RARS1: variants seen among roughly 807,000 people sequenced by gnomAD.
RARS1 encodes arginine--tRNA ligase, cytoplasmic.
Under a neutral mutation model 78.7 loss-of-function variants are expected in RARS1, and 75 were observed. That is an observed-to-expected ratio of 0.95 (90% CI 0.79 to 1.15). RARS1 has a LOEUF of 1.15. Among genes scored for constraint, RARS1 ranks in the 50% most tolerant of loss-of-function variants. RARS1 has a pLI of 0.00. For missense variants in RARS1, 787 were observed against 787.5 expected (o/e 1.00, Z 0.01); for synonymous variants, 273 against 268.2 (o/e 1.02, Z -0.18).
In RARS1 at chr5:168,495,068, T is replaced by C. The variant is rs77178198; in HGVS notation, c.580-247T>C. On this transcript the variant is annotated intron_variant, in intron 5 of 14. Coordinates refer to ENST00000231572, the MANE Select transcript of RARS1 (RefSeq NM_002887.4). ...TAGCCAATTGATACACAGATATCAC[T>C]GAAATAGAATGGATAATTTGTATAC... 7.3e-3 allele frequency: 4,098 copies of C among 561,862 alleles called. 119 individuals are homozygous for C. In the East Asian group the frequency reaches 0.075, roughly 10 times the overall value. 34.8% of individuals were successfully genotyped at this position (561,862 alleles called of 1,614,324 possible). A position where few individuals can be genotyped will look rare whatever the true frequency, so the allele number is the denominator to read the frequency against.
At chr5:168,503,903 T>G (rs1758379985) in intron 9 of RARS1, among the ~76,000 whole-genome samples, 1 of 151,734 alleles carries the variant, frequency 6.6e-6, no homozygotes. Context: ...GGACCCTTTC[T>G]CTGCCAAAAA....
chr5:168,510,933 G>A (rs1202485834), intron 12 of RARS1, among the ~76,000 whole-genome samples: 2 of 152,292 alleles, frequency 1.3e-5, no homozygotes, highest in South Asian at 2.1e-4. Flanking sequence ...CTTAGTATCC[G>A]TGCTGCTTAA....
At chr5:168,518,191 C>G in intron 14 of RARS1, 129 bp downstream of exon 14, 1 of 1,136,884 alleles carries the variant, frequency 8.8e-7, no homozygotes, top group East Asian at 3.1e-5. Flanking sequence ...TCAAGTGATT[C>G]TCCCACTTGA....
chr5:168,511,290 G>A (rs1294781378), intron 12 of RARS1, among the ~76,000 whole-genome samples: 3 of 151,732 alleles, frequency 2.0e-5, no homozygotes, highest in Non-Finnish European at 4.4e-5. Flanking sequence ...TTGGCTCATG[G>A]TTCTTCTGGC....
Position 168,518,061 on chromosome 5 carries a change from T to C in RARS1, c.1872T>C (p.Thr624=), listed in dbSNP as rs1758709008. 7.3e-7 allele frequency: 1 copy of C among 1,373,564 alleles called. No individual in the cohort carries two copies. The highest frequency in any genetic ancestry group is 2.5e-5 in the East Asian group (1 of 39,964). The allele number at this position is 1,373,564 out of a possible 1,614,324, so 85.1% of individuals were successfully genotyped here. A position where few individuals can be genotyped will look rare whatever the true frequency, so the allele number is the denominator to read the frequency against. Residue 624 remains threonine, a splice_region_variant and synonymous_variant, in exon 14 of 15, where the codon ACT becomes ACC. Transcript: ENST00000231572. ...ACTGTGTGGAGAAAGATAGACAGAC[T>C]GGTGAGTGTCTTTTTTTTTTTTTTT... The part of the protein sequence containing the change: ...SCYCVEKDRQ[T]GKILKVNMWR...
intron 12 of RARS1, among the ~76,000 whole-genome samples, chr5:168,516,390 G>A (rs1451677018): frequency 3.3e-5 from 5 of 152,032 alleles, no homozygotes; most frequent in South Asian, 2.1e-4. Flanking sequence ...ATTATTTAAC[G>A]CTAACTTTTT....
rs961719789 is a variant in RARS1 at position 168,491,131 on chromosome 5, G to A, written c.181-1528G>A. 5.9e-5 allele frequency among the ~76,000 whole-genome samples: 9 copies of A among 152,032 alleles called. No homozygotes were observed. The East Asian group carries it at 7.8e-4, about 13-fold the overall frequency. ...CAGCCTGGGCAACAGAGCAAGACCC[G>A]GTCCCAAAAAAATAAATACATAAAA... On this transcript the variant is annotated intron_variant, in intron 2 of 14. Coordinates refer to ENST00000231572, the MANE Select transcript of RARS1 (RefSeq NM_002887.4).
intron 7 of RARS1, among the ~76,000 whole-genome samples, chr5:168,500,200 CAAAAAAAAAAAAA>C (rs36015007): frequency 4.2e-5 from 2 of 47,782 alleles, no homozygotes; most frequent in Admixed American, 5.5e-4. Context: ...GACTCTGTCT[CAAAAAAAAAAAAA>C]AAAAAAAAAC....
In RARS1 at chr5:168,510,565, G is replaced by GTTT. The variant is rs1164014484; in HGVS notation, c.1347-14_1347-12dup. 1.3e-6 allele frequency: 2 copies of GTTT among 1,583,128 alleles called. No homozygotes were observed. Among genetic ancestry groups the GTTT allele is most frequent in the Non-Finnish European group, 1.7e-6 (2 of 1,160,614 alleles). Reference sequence around the variant, plus strand: ...AGTCTGTTTCAAAATCTGATTGGGGGTTTTACATTTTTTAGGAAAAAGTTT... The same window carrying GTTT: ...AGTCTGTTTCAAAATCTGATTGGGGGTTTTTTTACATTTTTTAGGAAAAAGTTT... On this transcript the variant is annotated splice_polypyrimidine_tract_variant and intron_variant, in intron 11 of 14. Coordinates refer to ENST00000231572, the MANE Select transcript of RARS1 (RefSeq NM_002887.4).
Position 168,497,227 on chromosome 5 carries a change from G to A in RARS1, c.702-1G>A. On this transcript the variant is annotated splice_acceptor_variant, in intron 6 of 14. Coordinates refer to ENST00000231572, the MANE Select transcript of RARS1 (RefSeq NM_002887.4). LOFTEE classifies it high-confidence loss of function. ...ATTATATATTCTCTGATTGGTGTTA[G>A]GTTAAATCATGTAGGAGACTGGGGG... is the stretch of plus-strand genomic sequence containing the variant. 3 of 1,528,284 alleles carry A rather than the reference G, an allele frequency of 2.0e-6. No homozygotes were observed. Among genetic ancestry groups the A allele is most frequent in the Non-Finnish European group, 2.6e-6 (3 of 1,136,586 alleles). 94.7% of individuals were successfully genotyped at this position (1,528,284 alleles called of 1,614,324 possible). A position where few individuals can be genotyped will look rare whatever the true frequency, so the allele number is the denominator to read the frequency against.
Position 168,506,711 on chromosome 5 carries a change from T to G in RARS1, c.1237-11T>G. ...AGAAGACTAGCAAGTAACTTTCCGT[T>G]TCTGTTGTAGTCTGTGCACTTCCAG... On this transcript the variant is annotated splice_polypyrimidine_tract_variant and intron_variant, in intron 10 of 14. Coordinates refer to ENST00000231572, the MANE Select transcript of RARS1 (RefSeq NM_002887.4). 6.3e-7 allele frequency: 1 copy of G among 1,588,164 alleles called. No individual in the cohort carries two copies. Among genetic ancestry groups the G allele is most frequent in the Non-Finnish European group, 8.6e-7 (1 of 1,164,788 alleles).
Position 168,513,467 on chromosome 5 carries a change from A to G in RARS1, c.1452+2781A>G, listed in dbSNP as rs546905469. Among the ~76,000 whole-genome samples, 56 of 152,146 alleles carry G rather than the reference A, an allele frequency of 3.7e-4. 1 individual carries two copies. The highest frequency in any genetic ancestry group is 1.3e-3 in the African/African-American group (55 of 41,534). On this transcript the variant is annotated intron_variant, in intron 12 of 14. Coordinates refer to ENST00000231572, the MANE Select transcript of RARS1 (RefSeq NM_002887.4). ...CCCGAGTAGCTGGGACTACAGGCAC[A>G]TGCCAACACACCAAGCTAATTTTTG...
intron 9 of RARS1, 142 bp downstream of exon 9, chr5:168,502,247 T>G: frequency 8.2e-7 from 1 of 1,212,176 alleles, no homozygotes; most frequent in Non-Finnish European, 1.1e-6. Flanking sequence ...ATTGTATCTA[T>G]ACCTTCTTAC....
chr5:168,517,007 T>A, intron 13 of RARS1, 57 bp downstream of exon 13: 2 of 1,486,172 alleles, frequency 1.3e-6, no homozygotes, highest in Non-Finnish European at 1.8e-6. Flanking sequence ...ATTTAGTTAC[T>A]CAAAAATATT....
At position 168,486,795 on chromosome 5, in the gene RARS1, C is replaced by T. The variant is rs73802340; in HGVS notation, c.45+252C>T. ...TCCCAGGCCTCCCCCAAACCAGCGT[C>T]TTCGGTGGGCTGGAGCCTGGCATGT... On this transcript the variant is annotated intron_variant, in intron 1 of 14. Coordinates refer to ENST00000231572, the MANE Select transcript of RARS1 (RefSeq NM_002887.4). 0.023 allele frequency among the ~76,000 whole-genome samples: 3,497 copies of T among 152,256 alleles called. 113 individuals are homozygous for T. The highest frequency in any genetic ancestry group is 0.079 in the African/African-American group (3,300 of 41,550).
intron 2 of RARS1, among the ~76,000 whole-genome samples, chr5:168,490,818 A>G (rs1758066394): frequency 6.6e-6 from 1 of 152,160 alleles, no homozygotes; most frequent in Non-Finnish European, 1.5e-5. Flanking sequence ...ACATATGTAC[A>G]TGGTGGTACT....
chr5:168,514,577 G>A (rs1315524083), intron 12 of RARS1, among the ~76,000 whole-genome samples: 1 of 152,092 alleles, frequency 6.6e-6, no homozygotes, highest in Non-Finnish European at 1.5e-5. Flanking sequence ...ACATAAAAAA[G>A]TTGCAAGATA....
Position 168,506,726 on chromosome 5 carries a change from T to C in RARS1, c.1241T>C (p.Val414Ala), listed in dbSNP as rs768527462. 6.2e-7 allele frequency: 1 copy of C among 1,610,412 alleles called. No individual in the cohort carries two copies. The highest frequency in any genetic ancestry group is 1.7e-5 in the Admixed American group (1 of 59,918). The part of the protein sequence containing the change: ...IIYVVDNGQS[V>A]HFQTIFAAAQ... The stretch of plus-strand genomic sequence containing the variant: ...AACTTTCCGTTTCTGTTGTAGTCTG[T>C]GCACTTCCAGACAATATTTGCTGCT... Residue 414 changes from valine (V) to alanine (A), a missense_variant, in exon 11 of 15, where the codon GTG becomes GCG. Transcript: ENST00000231572.
chr5:168,503,752 G>T (rs1758376678), intron 9 of RARS1, among the ~76,000 whole-genome samples: 1 of 151,896 alleles, frequency 6.6e-6, no homozygotes, highest in Non-Finnish European at 1.5e-5. Context: ...CACAGTCTAG[G>T]GCCTAGGGAC....
Sources: gnomAD v4.1 joint callset for allele counts (sites outside exome capture counted in the v4.1 genomes callset) on GRCh38, gnomAD v4.1.1 for gene constraint, MANE v1.5 for transcripts, NCBI Gene and HGNC (gene_info 2026-07-23, HGNC 2026-07-21) for gene names.